The following DSG3 variants were observed in gnomAD, a reference collection of about 807,000 sequenced individuals.
DSG3 encodes the protein desmoglein-3.
Under a neutral mutation model 85.9 loss-of-function variants are expected in DSG3, and 63 were observed. The ratio of observed to expected loss-of-function variants is 0.73; its 90% confidence interval spans 0.60 to 0.90. DSG3 has a LOEUF of 0.90. Among genes scored for constraint, DSG3 ranks in the 40% least tolerant of loss-of-function variants. The pLI is 0.00. For synonymous variants in DSG3, 447 were observed against 441.9 expected, an observed-to-expected ratio of 1.01 and a Z score of -0.14; for missense variants, 1,220 against 1,219.9, an observed-to-expected ratio of 1.00 and a Z score of 0.00.
intron 11 of DSG3, among the ~76,000 whole-genome samples, chr18:31,466,978 T>A (rs570554662): frequency 6.6e-6 from 1 of 152,334 alleles, no homozygotes; most frequent in South Asian, 2.1e-4. Context: ...CTTTTTAGGG[T>A]TCGTTTGATA....
chr18:31,462,376 G>A (rs998393127), intron 8 of DSG3, among the ~76,000 whole-genome samples: 1 of 152,128 alleles, frequency 6.6e-6, no homozygotes, highest in Non-Finnish European at 1.5e-5. Context: ...CTGGCCCTTG[G>A]TACAGCATTT....
At chr18:31,461,059 C>T in intron 7 of DSG3, 98 bp downstream of exon 7, 1 of 1,316,664 alleles carries the variant, frequency 7.6e-7, no homozygotes, top group Non-Finnish European at 1.0e-6. Context: ...TATTTAAGTT[C>T]TCTGCACTTA....
At chr18:31,466,411 T>C (rs1027447213) in intron 10 of DSG3, 119 bp from the exon 11 acceptor site, 23 of 824,418 alleles carry the variant, frequency 2.8e-5, no homozygotes, top group African/African-American at 2.4e-4. Context: ...GAGGATAATA[T>C]AGTATTTCAT....
In DSG3 at chr18:31,464,340, A is replaced by G. The variant is rs904533153; in HGVS notation, c.1229A>G (p.Gln410Arg). 13 of 1,613,862 alleles carry G rather than the reference A, an allele frequency of 8.1e-6. No individual in the cohort carries two copies. Among genetic ancestry groups the G allele is most frequent in the African/African-American group, 5.3e-5 (4 of 74,950 alleles). ...GTGGATTATATCCTGGGAACATATC[A>G]AGCCATCGATGAGGACACTAACAAA... ...KLVDYILGTY[Q>R]AIDEDTNKAA... Residue 410 changes from glutamine (Q) to arginine (R), a missense_variant, in exon 9 of 16, where the codon CAA becomes CGA. Physicochemically the swap from Gln to Arg is conservative, Grantham distance 43 (BLOSUM62 1). Coordinates refer to ENST00000257189, the MANE Select transcript of DSG3 (RefSeq NM_001944.3).
Position 31,478,279 on chromosome 18 carries a change from C to T in DSG3, c.*2019C>T, listed in dbSNP as rs1369435839. ...TAGAGCACATGCAGCTAACTTGTGC[C>T]TCTGCTTATGCATGAGGGTTAAATT... On this transcript the variant is annotated 3_prime_UTR_variant, in exon 16 of 16. Coordinates refer to ENST00000257189, the MANE Select transcript of DSG3 (RefSeq NM_001944.3). 6.6e-6 allele frequency: 1 copy of T among 152,312 alleles called. No homozygotes were observed. The highest frequency in any genetic ancestry group is 6.5e-5 in the Admixed American group (1 of 15,290). The allele number at this position is 152,312 out of a possible 1,614,324, so 9.4% of individuals were successfully genotyped here.
intron 14 of DSG3, 73 bp from the exon 15 acceptor site, chr18:31,474,048 C>A: frequency 6.7e-7 from 1 of 1,500,550 alleles, no homozygotes; most frequent in South Asian, 1.3e-5. Context: ...CTTATAGACA[C>A]CCAAGACCCA....
At chr18:31,473,995 T>C in intron 14 of DSG3, 126 bp from the exon 15 acceptor site, 1 of 864,376 alleles carries the variant, frequency 1.2e-6, no homozygotes, top group Non-Finnish European at 1.8e-6. Flanking sequence ...CCTCTAGTCA[T>C]ATAATTGTAT....
At chr18:31,453,449 G>A (rs558150055) in intron 1 of DSG3, among the ~76,000 whole-genome samples, 1 of 152,184 alleles carries the variant, frequency 6.6e-6, no homozygotes, top group South Asian at 2.1e-4. Flanking sequence ...CTTGCTTTTT[G>A]TTTAATCTAG....
Position 31,459,130 on chromosome 18 carries a change from T to C in DSG3, c.470T>C (p.Phe157Ser). 1 of 1,613,334 alleles carries C rather than the reference T, an allele frequency of 6.2e-7. No individual in the cohort carries two copies. The highest frequency in any genetic ancestry group is 8.5e-7 in the Non-Finnish European group (1 of 1,179,956). ...ILDINDNPPV[F>S]SQQIFMGEIE... Reference sequence around the variant, plus strand: ...GATATTAATGATAATCCTCCAGTATTTTCACAACAAATTTTCATGGGTGAA... The same window carrying C: ...GATATTAATGATAATCCTCCAGTATCTTCACAACAAATTTTCATGGGTGAA... Residue 157 changes from phenylalanine to serine, a missense_variant, in exon 5 of 16, where the codon TTT becomes TCT. By Grantham distance (155) the Phe-to-Ser change is radical. Transcript: ENST00000257189.
intron 4 of DSG3, 49 bp downstream of exon 4, chr18:31,458,649 C>T (rs758502684): frequency 4.0e-5 from 63 of 1,567,068 alleles, no homozygotes; most frequent in East Asian, 6.7e-5. Context: ...TGTATACCAT[C>T]GCTTTAGAAA....
intron 1 of DSG3, among the ~76,000 whole-genome samples, chr18:31,448,341 G>C (rs943525471): frequency 2.6e-5 from 4 of 152,132 alleles, no homozygotes; most frequent in Admixed American, 1.3e-4. Flanking sequence ...ACACGCCTGG[G>C]CTTGATACCT....
chr18:31,452,415 A>G (rs2072716921), intron 1 of DSG3, among the ~76,000 whole-genome samples: 1 of 147,712 alleles, frequency 6.8e-6, no homozygotes, highest in African/African-American at 2.5e-5. Context: ...GCTACTCGGG[A>G]GGCTGAGGAA....
At chr18:31,465,293 TG>T in intron 9 of DSG3, 24 bp from the exon 10 acceptor site, 4 of 1,366,632 alleles carry the variant, frequency 2.9e-6, no homozygotes, top group Middle Eastern at 2.3e-4. Flanking sequence ...GAAAGAAAAC[TG>T]ATTTTTTTAA....
chr18:31,451,197 G>GA (rs898668298), intron 1 of DSG3, among the ~76,000 whole-genome samples: 10 of 151,184 alleles, frequency 6.6e-5, no homozygotes, highest in South Asian at 4.2e-4. Flanking sequence ...TTAATCTTTT[G>GA]AAAAAAAAAT....
intron 8 of DSG3, among the ~76,000 whole-genome samples, chr18:31,462,709 T>A (rs1346257875): frequency 6.6e-6 from 1 of 152,146 alleles, no homozygotes; most frequent in Non-Finnish European, 1.5e-5. Flanking sequence ...CTCTTCTACC[T>A]CCTTACTGCC....
At chr18:31,458,337 A>G (rs2072761932) in intron 3 of DSG3, 108 bp from the exon 4 acceptor site, 3 of 1,228,958 alleles carry the variant, frequency 2.4e-6, no homozygotes, top group South Asian at 1.6e-5. Context: ...CACAATGTCA[A>G]AAAGAGTGAA....
intron 10 of DSG3, among the ~76,000 whole-genome samples, chr18:31,465,952 C>T (rs2072815867): frequency 6.6e-6 from 1 of 151,886 alleles, no homozygotes; most frequent in Non-Finnish European, 1.5e-5. Flanking sequence ...AAAGATAACA[C>T]CCCCCAAAAG....
chr18:31,454,673 G>GTTT (rs58881473), intron 1 of DSG3, among the ~76,000 whole-genome samples: 21 of 136,786 alleles, frequency 1.5e-4, no homozygotes, highest in South Asian at 7.1e-4. Flanking sequence ...CCATTAGTTT[G>GTTT]TTTTTTTTTT....
Position 31,461,273 on chromosome 18 carries a change from G to C in DSG3, c.860G>C (p.Arg287Pro). 1 of 1,613,494 alleles carries C rather than the reference G, an allele frequency of 6.2e-7. No individual in the cohort carries two copies. Among genetic ancestry groups the C allele is most frequent in the Non-Finnish European group, 8.5e-7 (1 of 1,179,748 alleles). The change falls in exon 8 of 16, where the codon CGA (arginine) becomes CCA (proline). Residue 287 changes from arginine (R) to proline (P), a missense_variant. Arg to Pro is a moderately radical substitution (Grantham distance 103). Transcript: ENST00000257189. ...EENILSSELL[R>P]FQVTDLDEEY... Reference sequence around the variant, plus strand: ...AATATTTTAAGTTCTGAATTACTTCGATTTCAAGTAACAGATTTGGATGAA... The same window carrying C: ...AATATTTTAAGTTCTGAATTACTTCCATTTCAAGTAACAGATTTGGATGAA...
Sources: gnomAD v4.1 joint callset for allele counts (sites outside exome capture counted in the v4.1 genomes callset) on GRCh38, gnomAD v4.1.1 for gene constraint, MANE v1.5 for transcripts, NCBI Gene and HGNC (gene_info 2026-07-23, HGNC 2026-07-21) for gene names.